Variants in MLLT3 observed in about 807,000 individuals in gnomAD.
MLLT3 encodes the protein protein AF-9.
A neutral mutation model predicts 53.2 loss-of-function variants in MLLT3; 4 were observed. The ratio of observed to expected loss-of-function variants is 0.08; its 90% CI spans 0.04 to 0.17. The LOEUF (loss-of-function observed/expected upper bound fraction) is 0.17. Among genes scored for constraint, MLLT3 ranks in the 10% least tolerant of loss-of-function variants. The probability of loss-of-function intolerance (pLI) is 1.00; values close to 1 mark genes in which losing one functional copy is unlikely to be tolerated. For synonymous variants in MLLT3, 283 were observed against 230.6 expected, an observed-to-expected ratio of 1.23 and a Z score of -2.06; for missense variants, 569 against 684.0, an observed-to-expected ratio of 0.83 and a Z score of 1.87.
At chr9:20,523,175 C>T (rs1818110636) in intron 2 of MLLT3, among the ~76,000 whole-genome samples, 1 of 152,170 alleles carries the variant, frequency 6.6e-6, no homozygotes, top group African/African-American at 2.4e-5. Context: ...CGAGCTATTT[C>T]TACACACCTA....
intron 4 of MLLT3, among the ~76,000 whole-genome samples, chr9:20,442,428 T>C (rs1220733255): frequency 6.6e-6 from 1 of 152,204 alleles, no homozygotes; most frequent in African/African-American, 2.4e-5. Flanking sequence ...TACTACAGTA[T>C]TACTGGTGTC....
At chr9:20,370,725 G>C (rs1821578130) in intron 5 of MLLT3, among the ~76,000 whole-genome samples, 2 of 152,144 alleles carry the variant, frequency 1.3e-5, no homozygotes, top group Non-Finnish European at 2.9e-5. Context: ...TAGCCAGGCT[G>C]ATCTCGAACT....
At chr9:20,365,779 T>C (rs751773072) in intron 5 of MLLT3, 35 bp from the exon 6 acceptor site, 1 of 1,606,982 alleles carries the variant, frequency 6.2e-7, no homozygotes. Flanking sequence ...CATCAATAAA[T>C]TTACGGGATA....
chr9:20,488,312 G>A (rs1824863932), intron 2 of MLLT3, among the ~76,000 whole-genome samples: 2 of 152,134 alleles, frequency 1.3e-5, no homozygotes, highest in East Asian at 1.9e-4. Flanking sequence ...ATGTGAATAT[G>A]CTTAATGACA....
Position 20,343,950 on chromosome 9 carries a change from G to T in MLLT3, c.*2493C>A. 4.9e-6 allele frequency: 1 copy of T among 203,888 alleles called. No homozygotes were observed. Among genetic ancestry groups the T allele is most frequent in the East Asian group, 7.6e-5 (1 of 13,210 alleles). The allele number at this position is 203,888 out of a possible 1,614,324, so 12.6% of individuals were successfully genotyped here. A position where few individuals can be genotyped will look rare whatever the true frequency, so the allele number is the denominator to read the frequency against. On this transcript the variant is annotated 3_prime_UTR_variant, in exon 11 of 11. Coordinates refer to ENST00000380338, the MANE Select transcript of MLLT3 (RefSeq NM_004529.4). ...ATTTCTGTATTTAAAAATTAGATGA[G>T]AGCAAGATTACCACTTCAAAAAAAA... is the stretch of plus-strand genomic sequence containing the variant.
chr9:20,547,324 A>G (rs1818813355), intron 2 of MLLT3, among the ~76,000 whole-genome samples: 3 of 151,756 alleles, frequency 2.0e-5, no homozygotes, highest in African/African-American at 7.3e-5. Flanking sequence ...GTGAGCTACC[A>G]TGCCCGGCCC....
intron 4 of MLLT3, among the ~76,000 whole-genome samples, chr9:20,421,242 C>T (rs1251523730): frequency 2.0e-5 from 3 of 151,644 alleles, no homozygotes; most frequent in African/African-American, 7.3e-5. Context: ...CCAGCCTGGG[C>T]AATAGAGCAA....
chr9:20,610,226 G>A (rs942048307), intron 2 of MLLT3, among the ~76,000 whole-genome samples: 3 of 152,090 alleles, frequency 2.0e-5, no homozygotes, highest in African/African-American at 7.2e-5. Flanking sequence ...AAGGCTGGTT[G>A]TATTTCATGG....
At chr9:20,449,252 G>A (rs1312679096) in intron 3 of MLLT3, among the ~76,000 whole-genome samples, 2 of 152,138 alleles carry the variant, frequency 1.3e-5, no homozygotes, top group African/African-American at 4.8e-5. Flanking sequence ...TCATCATTGT[G>A]CCCTCAAAGA....
intron 8 of MLLT3, among the ~76,000 whole-genome samples, chr9:20,359,145 CA>C (rs920197622): frequency 0.091 from 1,904 of 20,928 alleles, 8 homozygotes; most frequent in African/African-American, 0.17. Context: ...AACTCCATCT[CA>C]AAAAAAAAAA....
At chr9:20,425,674 T>C (rs1329801739) in intron 4 of MLLT3, among the ~76,000 whole-genome samples, 2 of 152,230 alleles carry the variant, frequency 1.3e-5, no homozygotes, top group South Asian at 2.1e-4. Context: ...CAGACGTAGC[T>C]TCTTACTAAG....
intron 2 of MLLT3, among the ~76,000 whole-genome samples, chr9:20,512,297 G>C (rs1174216058): frequency 6.6e-6 from 1 of 152,122 alleles, no homozygotes; most frequent in Non-Finnish European, 1.5e-5. Context: ...GTTTAATACA[G>C]CAACAGCATG....
Position 20,457,238 on chromosome 9 carries a change from C to CTT in MLLT3, c.194-454_194-453dup, listed in dbSNP as rs769037689. Among the ~76,000 whole-genome samples, 124 of 63,736 alleles carry CTT rather than the reference C, an allele frequency of 1.9e-3. 16 individuals are homozygous for CTT. Among genetic ancestry groups the CTT allele is most frequent in the African/African-American group, 3.6e-3 (61 of 16,898 alleles). 41.8% of individuals were successfully genotyped at this position (63,736 alleles called of 152,430 possible). A position where few individuals can be genotyped will look rare whatever the true frequency, so the allele number is the denominator to read the frequency against. On this transcript the variant is annotated intron_variant, in intron 2 of 10. Transcript: ENST00000380338. Reference sequence around the variant, plus strand: ...GTCTGAGATGTCCTGACAAGGACATCTTTTTTTTTTTTTTTTTTTTTTTTT... The same window carrying CTT: ...GTCTGAGATGTCCTGACAAGGACATCTTTTTTTTTTTTTTTTTTTTTTTTTTT...
chr9:20,367,978 T>C (rs1445414770), intron 5 of MLLT3, among the ~76,000 whole-genome samples: 2 of 152,186 alleles, frequency 1.3e-5, no homozygotes, highest in African/African-American at 4.8e-5. Flanking sequence ...TCAGGCTTGA[T>C]GGGAAAGCAG....
intron 2 of MLLT3, among the ~76,000 whole-genome samples, chr9:20,499,914 G>C (rs1825176667): frequency 6.6e-6 from 1 of 152,124 alleles, no homozygotes; most frequent in Non-Finnish European, 1.5e-5. Flanking sequence ...AAAAAATGTG[G>C]GGGAACAGGT....
intron 2 of MLLT3, among the ~76,000 whole-genome samples, chr9:20,540,364 C>T (rs1434427762): frequency 1.3e-5 from 2 of 152,230 alleles, no homozygotes; most frequent in African/African-American, 4.8e-5. Flanking sequence ...ATGTGGCCTC[C>T]ACCCTTCCAG....
chr9:20,347,044 T>C (rs1228910539), intron 10 of MLLT3, among the ~76,000 whole-genome samples: 1 of 145,690 alleles, frequency 6.9e-6, no homozygotes, highest in Non-Finnish European at 1.5e-5. Context: ...CATTATATAA[T>C]TGTTAATAAT....
At chr9:20,374,858 A>G (rs1172213330) in intron 5 of MLLT3, among the ~76,000 whole-genome samples, 2 of 152,064 alleles carry the variant, frequency 1.3e-5, no homozygotes, top group African/African-American at 4.8e-5. Flanking sequence ...TGAAGCCTTA[A>G]CCCCCAGTGT....
intron 5 of MLLT3, among the ~76,000 whole-genome samples, chr9:20,385,914 C>T (rs1822023042): frequency 6.6e-6 from 1 of 152,156 alleles, no homozygotes; most frequent in African/African-American, 2.4e-5. Flanking sequence ...AGCATTGATG[C>T]TAAGGTGTAT....
Sources: gnomAD v4.1 joint callset for allele counts (sites outside exome capture counted in the v4.1 genomes callset) on GRCh38, gnomAD v4.1.1 for gene constraint, MANE v1.5 for transcripts, NCBI Gene and HGNC (gene_info 2026-07-23, HGNC 2026-07-21) for gene names.